AKAP9: variants seen among roughly 807,000 people sequenced by gnomAD.
AKAP9 encodes A-kinase anchoring protein 9.
Under a neutral mutation model 488.5 loss-of-function variants are expected in AKAP9, and 311 were observed. The ratio of observed to expected loss-of-function variants is 0.64; its 90% CI spans 0.58 to 0.70. AKAP9 has a LOEUF of 0.70. AKAP9 is among the 30% of genes least tolerant of loss of function. The pLI is 0.00. For missense variants in AKAP9, 4,215 were observed against 4,374.5 expected (o/e 0.96, Z 1.03); for synonymous variants, 1,462 against 1,483.5 (o/e 0.99, Z 0.33).
At chr7:91,978,767 AT>A (rs1436338856) in intron 2 of AKAP9, among the ~76,000 whole-genome samples, 1 of 150,686 alleles carries the variant, frequency 6.6e-6, no homozygotes, top group East Asian at 2.0e-4. Context: ...TATTATTATT[AT>A]TTTTTAAAGA....
intron 5 of AKAP9, among the ~76,000 whole-genome samples, chr7:91,993,526 T>C (rs953528142): frequency 6.6e-6 from 1 of 152,064 alleles, no homozygotes; most frequent in African/African-American, 2.4e-5. Flanking sequence ...TTCAGGAGGC[T>C]GAGGTGGGAG....
chr7:92,076,814 G>A, intron 28 of AKAP9, 41 bp from the exon 29 acceptor site: 1 of 1,212,598 alleles, frequency 8.2e-7, no homozygotes. Flanking sequence ...ATAAACGTTT[G>A]TATAAACATT....
chr7:92,079,403 A>T lies in AKAP9; in HGVS notation c.7270A>T (p.Asn2424Tyr). The T allele has an allele frequency of 1.9e-6, 3 of 1,614,100 alleles. No individual in the cohort carries two copies. Among genetic ancestry groups the T allele is most frequent in the Non-Finnish European group, 2.5e-6 (3 of 1,179,994 alleles). Residue 2424 changes from asparagine to tyrosine, a missense_variant, in exon 31 of 50, where the codon AAT (asparagine) becomes TAT (tyrosine). By Grantham distance (143) the Asn-to-Tyr change is moderately radical. Transcript: ENST00000356239. Reference sequence around the variant, plus strand: ...ACTTAAAGAAACCAATTTTAAAATGAATCAGCTAACACAGGAATTATTCAG... The same window carrying T: ...ACTTAAAGAAACCAATTTTAAAATGTATCAGCTAACACAGGAATTATTCAG... ...NVLKETNFKM[N>Y]QLTQELFSLK...
At position 92,096,628 on chromosome 7, in the gene AKAP9, C is replaced by T. The variant is rs1056990554; in HGVS notation, c.9730-61C>T. The T allele has an allele frequency of 2.9e-5, 47 of 1,598,300 alleles. No homozygotes were observed. In the Admixed American group the frequency reaches 3.2e-4, roughly 11 times the overall value. On this transcript the variant is annotated intron_variant, in intron 40 of 49. Transcript: ENST00000356239. Reference sequence around the variant, plus strand: ...CTGGGATTACAGGCGTGAGCCACCACGCCCGGCCAAGTATTTTTAATAATA... The same window carrying T: ...CTGGGATTACAGGCGTGAGCCACCATGCCCGGCCAAGTATTTTTAATAATA...
chr7:92,092,960 A>G, intron 38 of AKAP9, 137 bp from the exon 39 acceptor site: 4 of 759,372 alleles, frequency 5.3e-6, no homozygotes, highest in Admixed American at 4.9e-5. Flanking sequence ...CTGCATTACC[A>G]ACTCTTGGGA....
chr7:91,970,708 T>G (rs763428343), intron 1 of AKAP9, among the ~76,000 whole-genome samples: 1 of 152,208 alleles, frequency 6.6e-6, no homozygotes, highest in Non-Finnish European at 1.5e-5. Flanking sequence ...TGTTGAGAAG[T>G]CTGTTGCCAG....
chr7:92,060,802 C>G (rs1217783425), intron 22 of AKAP9, among the ~76,000 whole-genome samples: 1 of 152,058 alleles, frequency 6.6e-6, no homozygotes. Flanking sequence ...TTGTATTAAT[C>G]ATGTATTATT....
At position 92,080,017 on chromosome 7, in the gene AKAP9, A is replaced by G; in HGVS notation, c.7884A>G (p.Gln2628=). Reference sequence around the variant, plus strand: ...CTAGTTTGATTTTAGAAAAAGAACAAGTAGAAATTGCAGAAAAAAATGTTT... The same window carrying G: ...CTAGTTTGATTTTAGAAAAAGAACAGGTAGAAATTGCAGAAAAAAATGTTT... ...MHTSLILEKE[Q]VEIAEKNVLE... Residue 2628 remains glutamine, a synonymous_variant, in exon 31 of 50, where the codon CAA becomes CAG. Coordinates refer to ENST00000356239, the MANE Select transcript of AKAP9 (RefSeq NM_005751.5). The G allele has an allele frequency of 3.8e-6, 6 of 1,563,572 alleles. No homozygotes were observed. Among genetic ancestry groups the G allele is most frequent in the Non-Finnish European group, 5.2e-6 (6 of 1,164,442 alleles).
chr7:92,099,043 C>T (rs1274127935), intron 43 of AKAP9, among the ~76,000 whole-genome samples: 4 of 152,216 alleles, frequency 2.6e-5, no homozygotes, highest in African/African-American at 4.8e-5. Context: ...TCTTCCCTTT[C>T]TACTTCCTGC....
chr7:92,076,278 A>T (rs1812570847), intron 28 of AKAP9, among the ~76,000 whole-genome samples: 1 of 152,130 alleles, frequency 6.6e-6, no homozygotes, highest in African/African-American at 2.4e-5. Context: ...GAGCTCTCTA[A>T]TTTTCTCCTG....
At position 92,022,344 on chromosome 7, in the gene AKAP9, A is replaced by C; in HGVS notation, c.3944A>C (p.Glu1315Ala). The part of the protein sequence containing the change: ...LSIHSQMTNL[E>A]DIDVNHKSKL... ...ATCCATTCTCAGATGACCAATTTGGAAGACATTGGTAAATTTTGATCATAT... is the reference window on the plus strand; with the variant it reads ...ATCCATTCTCAGATGACCAATTTGGCAGACATTGGTAAATTTTGATCATAT... The change falls in exon 13 of 50, where the codon GAA becomes GCA. Residue 1315 changes from glutamate (E) to alanine (A), a missense_variant. By Grantham distance (107) the Glu-to-Ala change is moderately radical. Around this residue, in one of 5 missense-constraint regions of AKAP9, gnomAD observed 2,361 missense variants for 2,430.0 expected, o/e 0.97. Transcript: ENST00000356239. 6.3e-7 allele frequency: 1 copy of C among 1,599,806 alleles called. No individual in the cohort carries two copies.
At chr7:91,978,260 A>G (rs986826520) in intron 2 of AKAP9, among the ~76,000 whole-genome samples, 12 of 151,750 alleles carry the variant, frequency 7.9e-5, no homozygotes, top group Non-Finnish European at 1.6e-4. Context: ...AAAAAAAAAA[A>G]AGAGAATCTT....
At chr7:91,942,466 G>C (rs1433242731) in intron 1 of AKAP9, among the ~76,000 whole-genome samples, 3 of 152,194 alleles carry the variant, frequency 2.0e-5, no homozygotes, top group African/African-American at 7.2e-5. Context: ...GGTATCTTTA[G>C]AAGTCCAAAG....
rs888121209 is a variant in AKAP9 at position 92,083,582 on chromosome 7, A to C, written c.8573A>C (p.Tyr2858Ser). ...SETETLKREH[Y>S]VAVQLLKEEC... is the part of the protein sequence containing the mutation. ...ACTGAAACCTTAAAGAGGGAACACT[A>C]TGTTGCCGTTCAGTTACTGAAAGAG... The change falls in exon 33 of 50, where the codon TAT becomes TCT. Residue 2858 changes from tyrosine (Y) to serine (S), a missense_variant. By Grantham distance (144) the Tyr-to-Ser change is moderately radical. Coordinates refer to ENST00000356239, the MANE Select transcript of AKAP9 (RefSeq NM_005751.5). The C allele has an allele frequency of 6.2e-7, 1 of 1,603,450 alleles. No individual in the cohort carries two copies. Among genetic ancestry groups the C allele is most frequent in the East Asian group, 2.2e-5 (1 of 44,838 alleles).
Position 92,000,704 on chromosome 7 carries a change from A to C in AKAP9, c.931-144A>C, listed in dbSNP as rs373170766. 3.0e-5 allele frequency: 15 copies of C among 504,132 alleles called. No homozygotes were observed. The East Asian group carries it at 4.1e-4, about 14-fold the overall frequency. 31.2% of individuals were successfully genotyped at this position (504,132 alleles called of 1,614,324 possible). On this transcript the variant is annotated intron_variant, in intron 7 of 49. Transcript: ENST00000356239. ...TTCTAAGTGTCATTATTGTGGAAAA[A>C]ATTGAGGGGCAGGACCAACATTTAC...
intron 3 of AKAP9, among the ~76,000 whole-genome samples, chr7:91,991,230 C>G (rs1038733515): frequency 1.3e-5 from 2 of 152,084 alleles, no homozygotes; most frequent in African/African-American, 4.8e-5. Flanking sequence ...ATTTCAGGAT[C>G]AAGAAAAGCT....
rs1413103119 is a variant in AKAP9 at position 92,042,546 on chromosome 7, C to T, written c.5059-122C>T. 3 of 694,146 alleles carry T rather than the reference C, an allele frequency of 4.3e-6. No homozygotes were observed. In the East Asian group the frequency reaches 8.0e-5, roughly 19 times the overall value. 43.0% of individuals were successfully genotyped at this position (694,146 alleles called of 1,614,324 possible). ...AGTTAAATATTATACCAACCAGTAT[C>T]AATTTTGTGCACAGAGGTTTCTATT... On this transcript the variant is annotated intron_variant, in intron 19 of 49. Coordinates refer to ENST00000356239, the MANE Select transcript of AKAP9 (RefSeq NM_005751.5).
At chr7:91,963,639 C>G (rs1196556826) in intron 1 of AKAP9, among the ~76,000 whole-genome samples, 1 of 151,944 alleles carries the variant, frequency 6.6e-6, no homozygotes, top group East Asian at 1.9e-4. Flanking sequence ...TGCCTCAGCC[C>G]CCTGAGTAGC....
rs780191330 is a variant in AKAP9 at position 92,086,250 on chromosome 7, A to G, written c.9047A>G (p.His3016Arg). The G allele has an allele frequency of 1.2e-6, 2 of 1,614,106 alleles. No individual in the cohort carries two copies. Among genetic ancestry groups the G allele is most frequent in the Non-Finnish European group, 8.5e-7 (1 of 1,179,974 alleles). ...TAGGTTTATGATAGTTCTCAATCTC[A>G]TGAGAGCTTCTCAGACTGGCGAGGT... ...EAEVYDSSQSHESFSDWRGEL... is the reference protein window; with the variant it reads ...EAEVYDSSQSRESFSDWRGEL... Residue 3016 changes from histidine to arginine, a missense_variant, in exon 37 of 50, where the codon CAT becomes CGT. This residue lies in a region of AKAP9 where 1,476 missense variants were observed against 1,477.4 expected (regional missense o/e 1.00). Coordinates refer to ENST00000356239, the MANE Select transcript of AKAP9 (RefSeq NM_005751.5).
Sources: allele counts gnomAD v4.1 joint callset (sites outside exome capture counted in the v4.1 genomes callset), GRCh38; gene constraint gnomAD v4.1.1; regional missense constraint gnomAD v4.1.1; transcripts MANE v1.5; gene names NCBI Gene and HGNC (gene_info 2026-07-23, HGNC 2026-07-21).